Variants in KPNA3 observed in about 807,000 individuals in gnomAD.
KPNA3 encodes the protein importin subunit alpha-4.
KPNA3 carries 13 observed loss-of-function variants against 73.8 expected under a neutral mutation model. That is an observed-to-expected ratio of 0.18 (90% CI 0.11 to 0.28). The LOEUF (loss-of-function observed/expected upper bound fraction) is 0.28. Among genes scored for constraint, KPNA3 ranks in the 10% least tolerant of loss-of-function variants. KPNA3 has a pLI of 1.00. For missense variants in KPNA3, 360 were observed against 618.1 expected (o/e 0.58, Z 4.43); for synonymous variants, 186 against 206.9 (o/e 0.90, Z 0.87).
chr13:49,771,224 A>G (rs897294668), intron 1 of KPNA3, among the ~76,000 whole-genome samples: 35 of 152,168 alleles, frequency 2.3e-4, no homozygotes, highest in African/African-American at 8.0e-4. Context: ...AATTGCATTG[A>G]ATCTCTTAGT....
chr13:49,705,535 T>A (rs1354742383), intron 15 of KPNA3, 86 bp downstream of exon 15: 1 of 1,324,478 alleles, frequency 7.6e-7, no homozygotes, highest in Non-Finnish European at 1.1e-6. Context: ...ATCCTAGTAA[T>A]TTTCTGTCTA....
At chr13:49,780,324 T>TTTA (rs1954931022) in intron 1 of KPNA3, among the ~76,000 whole-genome samples, 1 of 152,112 alleles carries the variant, frequency 6.6e-6, no homozygotes, top group Admixed American at 6.6e-5. Flanking sequence ...AGCCCTAATA[T>TTTA]TTAGGCTTTT....
intron 6 of KPNA3, among the ~76,000 whole-genome samples, chr13:49,732,147 G>A (rs1460827689): frequency 6.6e-6 from 1 of 152,102 alleles, no homozygotes; most frequent in Non-Finnish European, 1.5e-5. Context: ...GCAATAAACA[G>A]GAGATAAAAA....
At chr13:49,704,090 A>T (rs1452293918) in intron 15 of KPNA3, among the ~76,000 whole-genome samples, 5 of 152,272 alleles carry the variant, frequency 3.3e-5, no homozygotes, top group African/African-American at 1.2e-4. Context: ...GTCACCTTGG[A>T]CAAGACTCCT....
At chr13:49,745,845 C>G (rs889687216) in intron 2 of KPNA3, among the ~76,000 whole-genome samples, 1 of 151,104 alleles carries the variant, frequency 6.6e-6, no homozygotes, top group African/African-American at 2.4e-5. Context: ...GGGCAGATCA[C>G]GAGGTCAGGA....
intron 1 of KPNA3, among the ~76,000 whole-genome samples, chr13:49,761,248 G>GTCTCCC (rs1255881639): frequency 6.6e-6 from 1 of 151,284 alleles, no homozygotes; most frequent in Non-Finnish European, 1.5e-5. Context: ...TCTCCCCACA[G>GTCTCCC]TCTCCCTCTC....
At chr13:49,753,026 C>CAAAAAAAAAAAAAAAA (rs71078888) in intron 1 of KPNA3, among the ~76,000 whole-genome samples, 11 of 82,206 alleles carry the variant, frequency 1.3e-4, no homozygotes, top group Non-Finnish European at 1.6e-4. Flanking sequence ...GACTCTGTCT[C>CAAAAAAAAAAAAAAAA]AAAAAAAAAA....
chr13:49,756,338 G>A (rs962012917), intron 1 of KPNA3, among the ~76,000 whole-genome samples: 7 of 152,196 alleles, frequency 4.6e-5, no homozygotes, highest in Admixed American at 2.0e-4. Flanking sequence ...GCCAAGGAGG[G>A]AGGACTGCTT....
At chr13:49,735,927 T>G (rs1236812739) in intron 2 of KPNA3, among the ~76,000 whole-genome samples, 1 of 152,184 alleles carries the variant, frequency 6.6e-6, no homozygotes, top group African/African-American at 2.4e-5. Flanking sequence ...TCCTTTTCAT[T>G]CCCAAATTCC....
chr13:49,709,178 G>A (rs535806836), intron 12 of KPNA3, among the ~76,000 whole-genome samples: 46 of 152,236 alleles, frequency 3.0e-4, no homozygotes, highest in Non-Finnish European at 4.1e-4. Context: ...TGAAGCAGGC[G>A]GATCACAAGG....
At chr13:49,726,396 G>A (rs1004400129) in intron 6 of KPNA3, among the ~76,000 whole-genome samples, 3 of 152,182 alleles carry the variant, frequency 2.0e-5, no homozygotes, top group Admixed American at 6.5e-5. Context: ...AGTGACAGTG[G>A]GAAATAAAAC....
chr13:49,748,925 C>T (rs1431104556), intron 1 of KPNA3, among the ~76,000 whole-genome samples: 1 of 152,124 alleles, frequency 6.6e-6, no homozygotes, highest in African/African-American at 2.4e-5. Context: ...TGTTATTTGA[C>T]AACTCTATAA....
At chr13:49,740,999 A>T (rs1954568699) in intron 2 of KPNA3, among the ~76,000 whole-genome samples, 1 of 152,184 alleles carries the variant, frequency 6.6e-6, no homozygotes, top group African/African-American at 2.4e-5. Flanking sequence ...AAGGCTAAAA[A>T]GTATTCCACT....
At chr13:49,728,095 C>T (rs953156647) in intron 6 of KPNA3, among the ~76,000 whole-genome samples, 5 of 151,942 alleles carry the variant, frequency 3.3e-5, no homozygotes, top group East Asian at 1.9e-4. Context: ...GTCAGCCGGG[C>T]GTGGTGGCAG....
intron 1 of KPNA3, among the ~76,000 whole-genome samples, chr13:49,757,125 CAA>C (rs1287719982): frequency 3.9e-5 from 6 of 152,008 alleles, no homozygotes; most frequent in Non-Finnish European, 5.9e-5. Flanking sequence ...TGGGGCTAGG[CAA>C]AGAGTTCTTA....
intron 15 of KPNA3, among the ~76,000 whole-genome samples, chr13:49,704,920 A>G (rs1422423787): frequency 2.0e-5 from 3 of 152,224 alleles, no homozygotes; most frequent in Non-Finnish European, 4.4e-5. Context: ...TTACATGGTA[A>G]TAACACACAA....
intron 9 of KPNA3, among the ~76,000 whole-genome samples, chr13:49,720,265 T>C (rs1209344869): frequency 2.0e-5 from 3 of 152,224 alleles, no homozygotes; most frequent in Non-Finnish European, 4.4e-5. Context: ...TTAAGTCAAA[T>C]TAAAGTTTTC....
intron 1 of KPNA3, among the ~76,000 whole-genome samples, chr13:49,771,155 A>C (rs931625411): frequency 2.6e-5 from 4 of 151,320 alleles, no homozygotes; most frequent in Non-Finnish European, 5.9e-5. Flanking sequence ...GAGAAAAAGA[A>C]GCCAAAAGAA....
chr13:49,784,206 A>G (rs556113085), intron 1 of KPNA3, among the ~76,000 whole-genome samples: 1 of 152,324 alleles, frequency 6.6e-6, no homozygotes, highest in South Asian at 2.1e-4. Context: ...CCCAGGTAAC[A>G]GCAAGATTCT....
Sources: gnomAD v4.1 joint callset for allele counts (sites outside exome capture counted in the v4.1 genomes callset) on GRCh38, gnomAD v4.1.1 for gene constraint, MANE v1.5 for transcripts, NCBI Gene and HGNC (gene_info 2026-07-23, HGNC 2026-07-21) for gene names.